The following G3BP1 variants were observed in gnomAD, a reference collection of about 807,000 sequenced individuals.
G3BP1 encodes the protein ras GTPase-activating protein-binding protein 1.
A neutral mutation model predicts 58.6 loss-of-function variants in G3BP1; 35 were observed. The observed-to-expected ratio is 0.60, with a 90% confidence interval of 0.46 to 0.79. G3BP1 has a LOEUF of 0.79. Among genes scored for constraint, G3BP1 ranks in the 30% least tolerant of loss-of-function variants. The probability of loss-of-function intolerance (pLI) is 0.00; values close to 1 mark genes in which losing one functional copy is unlikely to be tolerated. For synonymous variants in G3BP1, 191 were observed against 195.4 expected (o/e 0.98, Z 0.19); for missense variants, 523 against 580.8 (o/e 0.90, Z 1.02).
chr5:151,800,416 A>C (rs953905729), intron 10 of G3BP1, 70 bp downstream of exon 10: 20 of 1,103,524 alleles, frequency 1.8e-5, no homozygotes, highest in Middle Eastern at 2.0e-4. Context: ...GCAATAGAAA[A>C]TGAGCCACAT....
At position 151,804,512 on chromosome 5, in the gene G3BP1, G is replaced by T. The variant is rs1762911215; in HGVS notation, c.*421G>T. 1 of 153,810 alleles carries T rather than the reference G, an allele frequency of 6.5e-6. No individual in the cohort carries two copies. The highest frequency in any genetic ancestry group is 6.5e-5 in the Admixed American group (1 of 15,308). 9.5% of individuals were successfully genotyped at this position (153,810 alleles called of 1,614,324 possible). A position where few individuals can be genotyped will look rare whatever the true frequency, so the allele number is the denominator to read the frequency against. On this transcript the variant is annotated 3_prime_UTR_variant, in exon 12 of 12. Coordinates refer to ENST00000356245, the MANE Select transcript of G3BP1 (RefSeq NM_005754.3). ...TTTGAAAAGCCTGTAAGAAATACAG[G>T]ATTTGATAATATTTTGAAGGCAGGA...
At chr5:151,781,000 A>G (rs1762461418) in intron 1 of G3BP1, among the ~76,000 whole-genome samples, 3 of 152,224 alleles carry the variant, frequency 2.0e-5, no homozygotes, top group Admixed American at 2.0e-4. Context: ...CCACTTGAGC[A>G]GATTTTTTTC....
intron 1 of G3BP1, among the ~76,000 whole-genome samples, chr5:151,782,686 A>G (rs1217169909): frequency 1.3e-5 from 2 of 151,994 alleles, no homozygotes; most frequent in Non-Finnish European, 2.9e-5. Context: ...TTTTTAGCAT[A>G]TATTTTCTTT....
intron 4 of G3BP1, among the ~76,000 whole-genome samples, chr5:151,792,367 T>G (rs1293516673): frequency 6.6e-6 from 1 of 152,230 alleles, no homozygotes; most frequent in Non-Finnish European, 1.5e-5. Context: ...ACTTTTTGTC[T>G]GTGCAAAATT....
At chr5:151,803,026 A>T (rs1465609542) in intron 11 of G3BP1, among the ~76,000 whole-genome samples, 1 of 152,260 alleles carries the variant, frequency 6.6e-6, no homozygotes, top group Non-Finnish European at 1.5e-5. Context: ...AGAAAATTAC[A>T]TTGCTGGTGA....
chr5:151,811,134 A>G lies in G3BP1; in HGVS notation c.*7043A>G, dbSNP rs896252560. On this transcript the variant is annotated 3_prime_UTR_variant, in exon 12 of 12. Transcript: ENST00000356245. ...TCTTTCCCGTCTTTCTTCCTCACCT[A>G]TGTAATTTCAGTAGTCTCTCAGCTT... is the stretch of plus-strand genomic sequence containing the variant. 3 of 152,126 alleles carry G rather than the reference A, an allele frequency of 2.0e-5. No individual in the cohort carries two copies. Among genetic ancestry groups the G allele is most frequent in the African/African-American group, 4.8e-5 (2 of 41,412 alleles). 9.4% of individuals were successfully genotyped at this position (152,126 alleles called of 1,614,324 possible).
rs1762931381 is a variant in G3BP1 at position 151,805,808 on chromosome 5, A to G, written c.*1717A>G. ...TACAACTTATACTTTTGTAGCTTAT[A>G]TTAAGCATGTGGTGGGTGGAAAGAA... On this transcript the variant is annotated 3_prime_UTR_variant, in exon 12 of 12. Coordinates refer to ENST00000356245, the MANE Select transcript of G3BP1 (RefSeq NM_005754.3). The G allele has an allele frequency of 6.6e-6, 1 of 152,336 alleles. No individual in the cohort carries two copies. Among genetic ancestry groups the G allele is most frequent in the South Asian group, 2.1e-4 (1 of 4,832 alleles). The allele number at this position is 152,336 out of a possible 1,614,324, so 9.4% of individuals were successfully genotyped here. A position where few individuals can be genotyped will look rare whatever the true frequency, so the allele number is the denominator to read the frequency against.
intron 1 of G3BP1, among the ~76,000 whole-genome samples, chr5:151,777,135 A>T (rs1281506934): frequency 1.3e-5 from 2 of 152,132 alleles, no homozygotes; most frequent in Non-Finnish European, 2.9e-5. Flanking sequence ...AGGCCCAGTG[A>T]TGTTGATACT....
chr5:151,799,768 G>T (rs1268716427), intron 8 of G3BP1, 121 bp from the exon 9 acceptor site: 2 of 639,918 alleles, frequency 3.1e-6, no homozygotes, highest in African/African-American at 3.7e-5. Context: ...GGTTTTTAAT[G>T]ATTTTTCTTG....
rs373179919 is a variant in G3BP1, at chr5:151,790,395, C to T, written c.168C>T (p.Tyr56=). 1.6e-5 allele frequency: 25 copies of T among 1,570,008 alleles called. No individual in the cohort carries two copies. Among genetic ancestry groups the T allele is most frequent in the Admixed American group, 7.2e-5 (4 of 55,326 alleles). ...ATGGAAAGCCAGCAGATGCAGTCTA[C>T]GGACAGAAAGTAAGCATTTCAAGCC... The part of the protein sequence containing the change: ...DSNGKPADAV[Y]GQKEIHRKVM... The change falls in exon 3 of 12, where the codon TAC becomes TAT. Residue 56 remains tyrosine, a synonymous_variant. Transcript: ENST00000356245.
At chr5:151,793,097 G>T (rs1470386303) in intron 4 of G3BP1, among the ~76,000 whole-genome samples, 1 of 151,748 alleles carries the variant, frequency 6.6e-6, no homozygotes, top group Non-Finnish European at 1.5e-5. Context: ...AATATCTGCT[G>T]AAGTTAGGAA....
In G3BP1 at chr5:151,790,363, G is replaced by T; in HGVS notation, c.136G>T (p.Asp46Tyr). 1 of 1,585,254 alleles carries T rather than the reference G, an allele frequency of 6.3e-7. No individual in the cohort carries two copies. The highest frequency in any genetic ancestry group is 8.6e-7 in the Non-Finnish European group (1 of 1,165,926). Reference sequence around the variant, plus strand: ...CTCTTCTTATGTCCATGGGGGATTGGATTCAAATGGAAAGCCAGCAGATGC... The same window carrying T: ...CTCTTCTTATGTCCATGGGGGATTGTATTCAAATGGAAAGCCAGCAGATGC... ...KNSSYVHGGL[D>Y]SNGKPADAVY... Residue 46 changes from aspartate to tyrosine, a missense_variant, in exon 3 of 12, where the codon GAT (aspartate) becomes TAT (tyrosine). Asp to Tyr is a radical substitution (Grantham distance 160). This residue lies in a region of G3BP1 where 398 missense variants were observed against 399.1 expected (regional missense o/e 1.00). Transcript: ENST00000356245.
At chr5:151,793,494 TGTG>T (rs1244406245) in intron 4 of G3BP1, among the ~76,000 whole-genome samples, 1 of 152,304 alleles carries the variant, frequency 6.6e-6, no homozygotes, top group African/African-American at 2.4e-5. Context: ...ATATTTATCT[TGTG>T]GTGAGGTAAA....
chr5:151,786,362 T>G (rs890317557), intron 1 of G3BP1, among the ~76,000 whole-genome samples: 6 of 152,352 alleles, frequency 3.9e-5, no homozygotes, highest in South Asian at 2.1e-4. Context: ...TCTTGAATAT[T>G]GGGGATAATG....
chr5:151,805,657 AAT>A lies in G3BP1; in HGVS notation c.*1569_*1570del, dbSNP rs1467069468. 2.6e-5 allele frequency: 4 copies of A among 152,344 alleles called. No homozygotes were observed. The East Asian group carries it at 7.7e-4, about 29-fold the overall frequency. 9.4% of individuals were successfully genotyped at this position (152,344 alleles called of 1,614,324 possible). ...TTACCAGTTTGGTTCCAGTTCCTCAAATATTTGAAAATTGGCAGCATCTCCTT... is the reference window on the plus strand; with the variant it reads ...TTACCAGTTTGGTTCCAGTTCCTCAAATTTGAAAATTGGCAGCATCTCCTT... On this transcript the variant is annotated 3_prime_UTR_variant, in exon 12 of 12. Transcript: ENST00000356245.
intron 1 of G3BP1, among the ~76,000 whole-genome samples, chr5:151,782,985 G>C (rs985282348): frequency 6.6e-6 from 1 of 150,922 alleles, no homozygotes; most frequent in East Asian, 2.0e-4. Context: ...AGCCTCCTGA[G>C]TAGCTGGGAT....
At chr5:151,777,633 C>G (rs1762395353) in intron 1 of G3BP1, among the ~76,000 whole-genome samples, 1 of 152,166 alleles carries the variant, frequency 6.6e-6, no homozygotes, top group South Asian at 2.1e-4. Flanking sequence ...AAGACTGAGG[C>G]AGCAGAGAGG....
At chr5:151,784,645 G>T (rs1200789332) in intron 1 of G3BP1, among the ~76,000 whole-genome samples, 1 of 152,018 alleles carries the variant, frequency 6.6e-6, no homozygotes, top group Non-Finnish European at 1.5e-5. Flanking sequence ...TGAAGCCTTT[G>T]ATTATTTTAA....
chr5:151,772,188 GCGGA>G (rs1396197101), intron 1 of G3BP1, 152 bp downstream of exon 1: 2 of 148,674 alleles, frequency 1.3e-5, no homozygotes, highest in Non-Finnish European at 3.0e-5. Context: ...GGCGCGCGCG[GCGGA>G]CGGACGGGCG....
Sources: allele counts gnomAD v4.1 joint callset (sites outside exome capture counted in the v4.1 genomes callset), GRCh38; gene constraint gnomAD v4.1.1; regional missense constraint gnomAD v4.1.1; transcripts MANE v1.5; gene names NCBI Gene and HGNC (gene_info 2026-07-23, HGNC 2026-07-21).